MSANTD2: variants seen among roughly 807,000 people sequenced by gnomAD.
MSANTD2 encodes myb/SANT-like DNA-binding domain-containing protein 2.
Under a neutral mutation model 52.6 loss-of-function variants are expected in MSANTD2, and 19 were observed. The observed-to-expected ratio is 0.36, with a 90% CI of 0.25 to 0.53. The LOEUF (loss-of-function observed/expected upper bound fraction) is 0.53. Among genes scored for constraint, MSANTD2 ranks in the 20% least tolerant of loss-of-function variants. The probability of loss-of-function intolerance (pLI) is 0.91; values close to 1 mark genes in which losing one functional copy is unlikely to be tolerated. For missense variants in MSANTD2, 558 were observed against 716.3 expected (o/e 0.78, Z 2.52); for synonymous variants, 291 against 289.7 (o/e 1.00, Z -0.04).
In MSANTD2 at chr11:124,798,234, T is replaced by TAAAAAAAAAAAA. The variant is rs10601418; in HGVS notation, c.510+1625_510+1636dup. On this transcript the variant is annotated intron_variant, in intron 1 of 3. Transcript: ENST00000374979. ...GAGCAACGTAGAAGACCCTGTCTCTTAAAAAAAAAAAAAAAAAAAAAAAAA... is the reference window on the plus strand; with the variant it reads ...GAGCAACGTAGAAGACCCTGTCTCTTAAAAAAAAAAAAAAAAAAAAAAAAAAAAAAAAAAAAA... Among the ~76,000 whole-genome samples the TAAAAAAAAAAAA allele has an allele frequency of 1.1e-3, 121 of 110,482 alleles. 1 individual carries two copies. The highest frequency in any genetic ancestry group is 2.8e-3 in the African/African-American group (70 of 24,854). The allele number at this position is 110,482 out of a possible 152,430, so 72.5% of individuals were successfully genotyped here.
intron 1 of MSANTD2, chr11:124,775,715 G>A (rs1944716333): frequency 6.6e-6 from 1 of 152,196 alleles, no homozygotes; most frequent in South Asian, 2.1e-4. Context: ...TGAAGCCAGT[G>A]ATTTCTTTCT....
At chr11:124,795,035 C>T (rs186364051) in intron 1 of MSANTD2, among the ~76,000 whole-genome samples, 4 of 152,216 alleles carry the variant, frequency 2.6e-5, no homozygotes, top group South Asian at 2.1e-4. Context: ...TGTGCCACCA[C>T]GCCCGGCTAA....
Position 124,791,279 on chromosome 11 carries a change from T to C in MSANTD2, c.510+8592A>G, listed in dbSNP as rs1037300016. The C allele has an allele frequency of 4.8e-6, 7 of 1,457,176 alleles. No individual in the cohort carries two copies. The African/African-American group carries it at 7.0e-5, about 14-fold the overall frequency. The allele number at this position is 1,457,176 out of a possible 1,614,324, so 90.3% of individuals were successfully genotyped here. ...CCTGGAGTATCCTTGGTCTACTCCA[T>C]GCCCTCCTAGAACTGTCCCTGTGGC... On this transcript the variant is annotated intron_variant, in intron 1 of 3. Transcript: ENST00000374979.
chr11:124,781,167 G>A (rs1228295429), intron 1 of MSANTD2, among the ~76,000 whole-genome samples: 1 of 147,104 alleles, frequency 6.8e-6, no homozygotes, highest in Non-Finnish European at 1.5e-5. Context: ...TGGGCGACAT[G>A]AGGGAGTCTC....
chr11:124,784,653 C>T (rs554438912), intron 1 of MSANTD2: 2 of 984,912 alleles, frequency 2.0e-6, no homozygotes, highest in East Asian at 2.3e-4. Flanking sequence ...GTCTGTTGAC[C>T]ATGTGATTCT....
At chr11:124,785,911 A>G (rs1945143715) in intron 1 of MSANTD2, among the ~76,000 whole-genome samples, 1 of 151,854 alleles carries the variant, frequency 6.6e-6, no homozygotes, top group African/African-American at 2.4e-5. Context: ...CTTTAATGTA[A>G]GTTCATCTTT....
intron 1 of MSANTD2, chr11:124,775,317 T>C (rs900763255): frequency 1.6e-5 from 3 of 187,410 alleles, no homozygotes; most frequent in Non-Finnish European, 3.4e-5. Context: ...AGCCAGCCAA[T>C]AGGATGCACA....
chr11:124,769,890 C>T (rs1320826695), intron 3 of MSANTD2, among the ~76,000 whole-genome samples: 3 of 152,184 alleles, frequency 2.0e-5, no homozygotes, highest in Non-Finnish European at 2.9e-5. Context: ...AATCTCTCAC[C>T]CTGAGAGCTA....
intron 1 of MSANTD2, among the ~76,000 whole-genome samples, chr11:124,795,851 G>A (rs745698974): frequency 3.3e-5 from 5 of 152,074 alleles, no homozygotes; most frequent in Non-Finnish European, 5.9e-5. Context: ...CTAGATTTGT[G>A]TATCTGACTC....
intron 1 of MSANTD2, chr11:124,790,469 A>C (rs1945295435): frequency 1.3e-5 from 2 of 152,258 alleles, no homozygotes; most frequent in South Asian, 4.1e-4. Flanking sequence ...GATCTAACAA[A>C]TTCTGGAAAT....
intron 1 of MSANTD2, among the ~76,000 whole-genome samples, chr11:124,783,423 C>G (rs73611479): frequency 0.064 from 9,752 of 152,196 alleles, 818 homozygotes; most frequent in African/African-American, 0.19. Flanking sequence ...GAGTTCTAGA[C>G]CAGCCTGGCC....
chr11:124,786,095 CTTT>C lies in MSANTD2; in HGVS notation c.511-11124_511-11122del, dbSNP rs200399771. Among the ~76,000 whole-genome samples the C allele has an allele frequency of 8.9e-3, 1,023 of 114,386 alleles. 8 individuals are homozygous for C. The highest frequency in any genetic ancestry group is 0.032 in the African/African-American group (964 of 29,876). The allele number at this position is 114,386 out of a possible 152,430, so 75.0% of individuals were successfully genotyped here. A position where few individuals can be genotyped will look rare whatever the true frequency, so the allele number is the denominator to read the frequency against. On this transcript the variant is annotated intron_variant, in intron 1 of 3. Coordinates refer to ENST00000374979, the MANE Select transcript of MSANTD2 (RefSeq NM_001308027.2). ...TGCTATTTGCCCTGCATCATTTCTTCTTTTTTTTTTTTTTTTTTTTTTAGTATG... is the reference window on the plus strand; with the variant it reads ...TGCTATTTGCCCTGCATCATTTCTTCTTTTTTTTTTTTTTTTTTTAGTATG...
intron 3 of MSANTD2, 59 bp downstream of exon 3, chr11:124,772,935 C>T: frequency 9.5e-7 from 1 of 1,056,448 alleles, no homozygotes; most frequent in Non-Finnish European, 1.5e-6. Context: ...TTCTGATCTT[C>T]CCAATGGTCA....
At chr11:124,776,293 G>C (rs184941363) in intron 1 of MSANTD2, 1 of 152,212 alleles carries the variant, frequency 6.6e-6, no homozygotes, top group Non-Finnish European at 1.5e-5. Context: ...AGGAAGTTCA[G>C]TCTCTTTATT....
At chr11:124,789,296 T>C (rs1222979012) in intron 1 of MSANTD2, 1 of 152,172 alleles carries the variant, frequency 6.6e-6, no homozygotes, top group African/African-American at 2.4e-5. Flanking sequence ...ACAAACATAA[T>C]TGGTTTATTT....
intron 3 of MSANTD2, among the ~76,000 whole-genome samples, chr11:124,768,907 G>A (rs562471448): frequency 2.0e-5 from 3 of 152,282 alleles, no homozygotes; most frequent in South Asian, 4.1e-4. Flanking sequence ...GTATATATAT[G>A]AAGCTATATA....
At chr11:124,785,525 G>A (rs79467712) in intron 1 of MSANTD2, among the ~76,000 whole-genome samples, 2,860 of 152,272 alleles carry the variant, frequency 0.019, 88 homozygotes, top group African/African-American at 0.066. Context: ...GAGTTATACC[G>A]AATTGAGGCA....
Position 124,779,213 on chromosome 11 carries a change from T to C in MSANTD2, c.511-4239A>G, listed in dbSNP as rs1398131613. 3 of 152,190 alleles carry C rather than the reference T, an allele frequency of 2.0e-5. No homozygotes were observed. Among genetic ancestry groups the C allele is most frequent in the African/African-American group, 7.2e-5 (3 of 41,434 alleles). 9.4% of individuals were successfully genotyped at this position (152,190 alleles called of 1,614,324 possible). A position where few individuals can be genotyped will look rare whatever the true frequency, so the allele number is the denominator to read the frequency against. On this transcript the variant is annotated intron_variant, in intron 1 of 3. Coordinates refer to ENST00000374979, the MANE Select transcript of MSANTD2 (RefSeq NM_001308027.2). This position sits in a 1 kb window ranked among gnomAD's most constrained non-coding sequence, Gnocchi z 4.6. ...TGAAAGGCTTGGAAAATAAGATCTA[T>C]AAGCAGGGACAGTGGTTTCATCAAA...
At chr11:124,797,426 G>A (rs1391098784) in intron 1 of MSANTD2, among the ~76,000 whole-genome samples, 2 of 152,192 alleles carry the variant, frequency 1.3e-5, no homozygotes, top group Non-Finnish European at 2.9e-5. Flanking sequence ...AGGTCCAGGA[G>A]TTCAAGGCTG....
Sources: allele counts gnomAD v4.1 joint callset (sites outside exome capture counted in the v4.1 genomes callset), GRCh38; gene constraint gnomAD v4.1.1; non-coding constraint Gnocchi (gnomAD v3.1); transcripts MANE v1.5; gene names NCBI Gene and HGNC (gene_info 2026-07-23, HGNC 2026-07-21).